Variants in FGFR4 observed in about 807,000 individuals in gnomAD.
FGFR4 encodes fibroblast growth factor receptor 4.
FGFR4 carries 63 observed loss-of-function variants against 89.9 expected under a neutral mutation model. That is an observed-to-expected ratio of 0.70 (90% CI 0.57 to 0.86). The LOEUF is 0.86. Among genes scored for constraint, FGFR4 ranks in the 40% least tolerant of loss-of-function variants. The probability of loss-of-function intolerance (pLI) is 0.00; values close to 1 mark genes in which losing one functional copy is unlikely to be tolerated. For synonymous variants in FGFR4, 486 were observed against 479.4 expected (o/e 1.01, Z -0.18); for missense variants, 928 against 1,106.7 (o/e 0.84, Z 2.29).
intron 7 of FGFR4, 62 bp from the exon 8 acceptor site, chr5:177,092,584 C>A: frequency 6.4e-7 from 1 of 1,570,082 alleles, no homozygotes; most frequent in East Asian, 2.3e-5. Context: ...CCCCAGCTTC[C>A]CTGTTGGCCA....
At chr5:177,090,365 G>T (rs1217255846) in intron 2 of FGFR4, 25 bp from the exon 3 acceptor site, 1 of 1,599,662 alleles carries the variant, frequency 6.3e-7, no homozygotes, top group Non-Finnish European at 8.5e-7. Context: ...TGCGGGGTCT[G>T]CTGACCTCTG....
rs913252467 is a variant in FGFR4 at position 177,096,362 on chromosome 5, G to A, written c.2015+5G>A. ...GTACACACACCAGAGTGACGTGTGA[G>A]TCCTGCCGGCGGTCACTGTCCTACC... On this transcript the variant is annotated splice_donor_5th_base_variant and intron_variant, in intron 15 of 17. Coordinates refer to ENST00000292408, the MANE Select transcript of FGFR4 (RefSeq NM_213647.3). 3 of 1,613,924 alleles carry A rather than the reference G, an allele frequency of 1.9e-6. No individual in the cohort carries two copies. The highest frequency in any genetic ancestry group is 2.5e-6 in the Non-Finnish European group (3 of 1,179,956).
chr5:177,092,449 C>G lies in FGFR4; in HGVS notation c.856C>G (p.His286Asp). 1 of 1,603,724 alleles carries G rather than the reference C, an allele frequency of 6.2e-7. No individual in the cohort carries two copies. Among genetic ancestry groups the G allele is most frequent in the East Asian group, 2.3e-5 (1 of 44,328 alleles). Residue 286 changes from histidine (H) to aspartate (D), a missense_variant, in exon 7 of 18, where the codon CAC becomes GAC. His to Asp is a moderately conservative substitution (Grantham distance 81, BLOSUM62 -1). This residue lies in a region of FGFR4 where 741 missense variants were observed against 836.9 expected (regional missense o/e 0.89). Coordinates refer to ENST00000292408, the MANE Select transcript of FGFR4 (RefSeq NM_213647.3). ...CCAGCCCCACATCCAGTGGCTGAAG[C>G]ACATCGTCATCAACGGCAGCAGCTT... ...DAQPHIQWLK[H>D]IVINGSSFGA...
rs532925885 is a variant in FGFR4 at position 177,089,087 on chromosome 5, A to G, written c.-53-463A>G. ...GTGACCACCCAGCCCTGGAAATGTC[A>G]GTAATGCTGTAAGGAGTGGGGATCG... On this transcript the variant is annotated intron_variant, in intron 1 of 17. Transcript: ENST00000292408. Among the ~76,000 whole-genome samples the G allele has an allele frequency of 2.0e-5, 3 of 152,352 alleles. No homozygotes were observed. In the South Asian group the frequency reaches 6.2e-4, roughly 32 times the overall value.
chr5:177,095,028 T>C lies in FGFR4; in HGVS notation c.1520-302T>C. 5.6e-6 allele frequency: 2 copies of C among 359,952 alleles called. No individual in the cohort carries two copies. Among genetic ancestry groups the C allele is most frequent in the South Asian group, 3.1e-5 (1 of 32,756 alleles). The allele number at this position is 359,952 out of a possible 1,614,324, so 22.3% of individuals were successfully genotyped here. On this transcript the variant is annotated intron_variant, in intron 11 of 17. Transcript: ENST00000292408. This position sits in a 1 kb window ranked among gnomAD's most constrained non-coding sequence, Gnocchi z 5.7. The stretch of plus-strand genomic sequence containing the variant: ...TCCTTCCTTCCTTCCTGCTCCGAGC[T>C]CTTCCCCTCTCTCCTGTGTCCTGGG...
At position 177,093,307 on chromosome 5, in the gene FGFR4, C is replaced by A. The variant is rs767107218; in HGVS notation, c.1227C>A (p.Leu409=). The A allele has an allele frequency of 6.2e-7, 1 of 1,603,724 alleles. No homozygotes were observed. The change falls in exon 9 of 18, where the codon CTC becomes CTA. Residue 409 remains leucine, a synonymous_variant. Coordinates refer to ENST00000292408, the MANE Select transcript of FGFR4 (RefSeq NM_213647.3). This position sits in a 1 kb window ranked among gnomAD's most constrained non-coding sequence, Gnocchi z 5.8. ...GCCCGCCCGCCACTGTGCAGAAGCT[C>A]TCCCGCTTCCCTCTGGCCCGACAGG... ...HPRPPATVQK[L]SRFPLARQFS...
At chr5:177,090,915 A>G in intron 4 of FGFR4, 23 bp from the exon 5 acceptor site, 1 of 1,614,080 alleles carries the variant, frequency 6.2e-7, no homozygotes, top group Non-Finnish European at 8.5e-7. Context: ...CGGTCATTCT[A>G]GGGGCCTTCC....
At chr5:177,092,611 C>T in intron 7 of FGFR4, 35 bp from the exon 8 acceptor site, 1 of 1,583,700 alleles carries the variant, frequency 6.3e-7, no homozygotes, top group Non-Finnish European at 8.6e-7. Context: ...GGCCCCAGGC[C>T]CTGCTGTGAC....
Position 177,087,104 on chromosome 5 carries a change from G to C in FGFR4, c.-54+27G>C, listed in dbSNP as rs1027304197. On this transcript the variant is annotated intron_variant, in intron 1 of 17. Coordinates refer to ENST00000292408, the MANE Select transcript of FGFR4 (RefSeq NM_213647.3). This position sits in a 1 kb window ranked among gnomAD's most constrained non-coding sequence, Gnocchi z 6.1. ...TGAGCCGGAACCCTTGTGGGCCCGG[G>C]CTGCGCTCCCAGCCGCCAGGGGGCG... is the stretch of plus-strand genomic sequence containing the variant. The C allele has an allele frequency of 1.3e-5, 2 of 152,206 alleles. No individual in the cohort carries two copies. The highest frequency in any genetic ancestry group is 2.0e-4 in the East Asian group (1 of 5,114). The allele number at this position is 152,206 out of a possible 1,614,324, so 9.4% of individuals were successfully genotyped here. A position where few individuals can be genotyped will look rare whatever the true frequency, so the allele number is the denominator to read the frequency against.
chr5:177,091,153 C>T (rs1167457425), intron 5 of FGFR4, 49 bp downstream of exon 5: 3 of 1,493,638 alleles, frequency 2.0e-6, no homozygotes, highest in African/African-American at 1.4e-5. Context: ...TTCATTCCTT[C>T]ATCAGTCCCC....
chr5:177,095,243 C>T lies in FGFR4; in HGVS notation c.1520-87C>T. On this transcript the variant is annotated intron_variant, in intron 11 of 17. Coordinates refer to ENST00000292408, the MANE Select transcript of FGFR4 (RefSeq NM_213647.3). This position sits in a 1 kb window ranked among gnomAD's most constrained non-coding sequence, Gnocchi z 5.7. ...AGCCCTAGACCTACGTAGCCCTGGT[C>T]CAGTGCTGCTTGTCCTGCACCTGCC... The T allele has an allele frequency of 9.1e-7, 1 of 1,096,582 alleles. No homozygotes were observed. The highest frequency in any genetic ancestry group is 1.4e-6 in the Non-Finnish European group (1 of 713,742). The allele number at this position is 1,096,582 out of a possible 1,614,324, so 67.9% of individuals were successfully genotyped here.
intron 1 of FGFR4, among the ~76,000 whole-genome samples, chr5:177,089,176 C>T (rs549609155): frequency 5.3e-5 from 8 of 152,292 alleles, no homozygotes; most frequent in African/African-American, 1.9e-4. Context: ...TTTTTTGGCT[C>T]TTCTGCAATC....
At chr5:177,089,405 T>A in intron 1 of FGFR4, 145 bp from the exon 2 acceptor site, 1 of 900,512 alleles carries the variant, frequency 1.1e-6, no homozygotes, top group Non-Finnish European at 1.6e-6. Flanking sequence ...CAGAGCTGGT[T>A]CCAGTCTGCA....
Position 177,091,036 on chromosome 5 carries a change from A to G in FGFR4, c.535A>G (p.Thr179Ala), listed in dbSNP as rs55675160. The G allele has an allele frequency of 1.1e-3, 1,725 of 1,610,462 alleles. 22 individuals are homozygous for G. In the East Asian group the frequency reaches 0.031, roughly 29 times the overall value. ...CCGCTGTCCAGCTGCAGGCAACCCC[A>G]CGCCCACCATCCGCTGGCTTAAGGA... ...KFRCPAAGNPTPTIRWLKDGQ... is the reference protein window; with the variant it reads ...KFRCPAAGNPAPTIRWLKDGQ... The change falls in exon 5 of 18, where the codon ACG becomes GCG. Residue 179 changes from threonine (T) to alanine (A), a missense_variant. Thr to Ala is a moderately conservative substitution (Grantham distance 58). This residue lies in a region of FGFR4 where 741 missense variants were observed against 836.9 expected (regional missense o/e 0.89). Transcript: ENST00000292408.
In FGFR4 at chr5:177,090,991, G is replaced by T. The variant is rs1416589788; in HGVS notation, c.490G>T (p.Ala164Ser). 6.2e-7 allele frequency: 1 copy of T among 1,614,002 alleles called. No individual in the cohort carries two copies. The highest frequency in any genetic ancestry group is 8.5e-7 in the Non-Finnish European group (1 of 1,179,880). ...GGAGAAGAAACTGCATGCAGTACCT[G>T]CGGGGAACACCGTCAAGTTCCGCTG... ...RMEKKLHAVP[A>S]GNTVKFRCPA... Residue 164 changes from alanine (A) to serine (S), a missense_variant, in exon 5 of 18, where the codon GCG (alanine) becomes TCG (serine). Ala to Ser is a moderately conservative substitution (Grantham distance 99). This residue lies in a region of FGFR4 where 741 missense variants were observed against 836.9 expected (regional missense o/e 0.89). Transcript: ENST00000292408.
rs1463014559 is a variant in FGFR4 at position 177,087,843 on chromosome 5, A to G, written c.-54+766A>G. ...GGCACAGAGGGATGGGCAAGAGAGC[A>G]CATGTGCCCAGTTTTGAAAGCCAAT... On this transcript the variant is annotated intron_variant, in intron 1 of 17. Transcript: ENST00000292408. This position sits in a 1 kb window ranked among gnomAD's most constrained non-coding sequence, Gnocchi z 6.1. 6.6e-6 allele frequency among the ~76,000 whole-genome samples: 1 copy of G among 152,104 alleles called. No homozygotes were observed. The highest frequency in any genetic ancestry group is 1.5e-5 in the Non-Finnish European group (1 of 68,006).
In FGFR4 at chr5:177,097,613, C is replaced by T; in HGVS notation, c.2346C>T (p.Phe782=). Reference sequence around the variant, plus strand: ...CCTGCTCCTCCAGCGATTCTGTCTTCAGCCACGACCCCCTGCCATTGGGAT... The same window carrying T: ...CCTGCTCCTCCAGCGATTCTGTCTTTAGCCACGACCCCCTGCCATTGGGAT... The part of the protein sequence containing the change: ...SSTCSSSDSV[F]SHDPLPLGSS... The change falls in exon 18 of 18, where the codon TTC becomes TTT. Residue 782 remains phenylalanine, a synonymous_variant. Coordinates refer to ENST00000292408, the MANE Select transcript of FGFR4 (RefSeq NM_213647.3). 1 of 1,614,224 alleles carries T rather than the reference C, an allele frequency of 6.2e-7. No individual in the cohort carries two copies. Among genetic ancestry groups the T allele is most frequent in the Non-Finnish European group, 8.5e-7 (1 of 1,180,042 alleles).
chr5:177,096,811 G>A lies in FGFR4; in HGVS notation c.2153+70G>A, dbSNP rs2149739492. The A allele has an allele frequency of 1.8e-5, 28 of 1,524,844 alleles. No individual in the cohort carries two copies. In the South Asian group the frequency reaches 3.1e-4, roughly 17 times the overall value. 94.5% of individuals were successfully genotyped at this position (1,524,844 alleles called of 1,614,324 possible). ...CTCCTCTGCCCTGACCATGGCCTCA[G>A]GGTGTGTCCCGGCCAGAAGGACAAC... On this transcript the variant is annotated intron_variant, in intron 16 of 17. Coordinates refer to ENST00000292408, the MANE Select transcript of FGFR4 (RefSeq NM_213647.3).
chr5:177,093,927 T>A lies in FGFR4; in HGVS notation c.1519+152T>A. 2 of 964,750 alleles carry A rather than the reference T, an allele frequency of 2.1e-6. No homozygotes were observed. The highest frequency in any genetic ancestry group is 3.0e-6 in the Non-Finnish European group (2 of 672,640). The allele number at this position is 964,750 out of a possible 1,614,324, so 59.8% of individuals were successfully genotyped here. A position where few individuals can be genotyped will look rare whatever the true frequency, so the allele number is the denominator to read the frequency against. On this transcript the variant is annotated intron_variant, in intron 11 of 17. Transcript: ENST00000292408. This position sits in a 1 kb window ranked among gnomAD's most constrained non-coding sequence, Gnocchi z 5.8. ...ACAAAAAAAAAATAAGAAAATTAGTTGGGTGTGGTGGTGTGTGCCTTTAGT... is the reference window on the plus strand; with the variant it reads ...ACAAAAAAAAAATAAGAAAATTAGTAGGGTGTGGTGGTGTGTGCCTTTAGT...
Sources: allele counts gnomAD v4.1 joint callset (sites outside exome capture counted in the v4.1 genomes callset), GRCh38; gene constraint gnomAD v4.1.1; regional missense constraint gnomAD v4.1.1; non-coding constraint Gnocchi (gnomAD v3.1); transcripts MANE v1.5; gene names NCBI Gene and HGNC (gene_info 2026-07-23, HGNC 2026-07-21).